Variants in RCAN2 observed in about 807,000 individuals in gnomAD.
The protein encoded by RCAN2 is calcipressin-2.
RCAN2 carries 9 observed loss-of-function variants against 23.6 expected under a neutral mutation model. The ratio of observed to expected loss-of-function variants is 0.38; its 90% CI spans 0.23 to 0.67. RCAN2 has a LOEUF of 0.67. Ranked by LOEUF, RCAN2 falls within the 30% of genes least tolerant of loss-of-function variation. The pLI is 0.51. For synonymous variants in RCAN2, 109 were observed against 115.7 expected (o/e 0.94, Z 0.37); for missense variants, 273 against 302.3 (o/e 0.90, Z 0.72).
Position 46,221,097 on chromosome 6 carries a change from ACTTC to A in RCAN2, c.*2040_*2043del, listed in dbSNP as rs1765461207. The A allele has an allele frequency of 6.6e-6, 1 of 152,430 alleles. No individual in the cohort carries two copies. Among genetic ancestry groups the A allele is most frequent in the African/African-American group, 2.4e-5 (1 of 41,422 alleles). 9.4% of individuals were successfully genotyped at this position (152,430 alleles called of 1,614,324 possible). A position where few individuals can be genotyped will look rare whatever the true frequency, so the allele number is the denominator to read the frequency against. ...CTAAGACTAACTCCAGAGGCCATACACTTCATTGTGTTTCTTTTATGACTACACA... is the reference window on the plus strand; with the variant it reads ...CTAAGACTAACTCCAGAGGCCATACAATTGTGTTTCTTTTATGACTACACA... On this transcript the variant is annotated 3_prime_UTR_variant, in exon 5 of 5. Transcript: ENST00000371374.
At chr6:46,462,929 C>A (rs1459321295) in intron 1 of RCAN2, among the ~76,000 whole-genome samples, 13 of 152,156 alleles carry the variant, frequency 8.5e-5, no homozygotes. Flanking sequence ...GAATTCTGGT[C>A]TAGAAAGCCT....
intron 2 of RCAN2, among the ~76,000 whole-genome samples, chr6:46,409,733 C>T (rs574379155): frequency 3.9e-5 from 6 of 152,090 alleles, no homozygotes; most frequent in South Asian, 2.1e-4. Flanking sequence ...TGTACATAAA[C>T]GTTCATAAAA....
chr6:46,468,404 C>A (rs974278001), intron 1 of RCAN2, among the ~76,000 whole-genome samples: 2 of 152,128 alleles, frequency 1.3e-5, no homozygotes, highest in Non-Finnish European at 2.9e-5. Context: ...TCTTTAATCA[C>A]AATTTTCCAA....
At chr6:46,256,903 A>G in intron 2 of RCAN2, among the ~76,000 whole-genome samples, 1 of 152,194 alleles carries the variant, frequency 6.6e-6, no homozygotes, top group Non-Finnish European at 1.5e-5. Context: ...TTTTGCCTGT[A>G]ATCTTTCTTA....
intron 2 of RCAN2, among the ~76,000 whole-genome samples, chr6:46,279,734 T>C (rs1404259018): frequency 6.6e-6 from 1 of 152,236 alleles, no homozygotes; most frequent in Non-Finnish European, 1.5e-5. Context: ...TGCCACTTAC[T>C]GTAGGAGAGC....
At chr6:46,471,049 G>A (rs1026476122) in intron 1 of RCAN2, among the ~76,000 whole-genome samples, 1 of 152,206 alleles carries the variant, frequency 6.6e-6, no homozygotes, top group East Asian at 1.9e-4. Flanking sequence ...TTATGTAGGG[G>A]TGGTGAGGAA....
chr6:46,391,093 C>T (rs1765919916), intron 2 of RCAN2, among the ~76,000 whole-genome samples: 1 of 152,194 alleles, frequency 6.6e-6, no homozygotes, highest in Non-Finnish European at 1.5e-5. Flanking sequence ...CTCAGCTCCA[C>T]TTTCTTTAAC....
In RCAN2 at chr6:46,455,559, G is replaced by GA. The variant is rs978462817; in HGVS notation, c.225+1192dup. 2.2e-3 allele frequency among the ~76,000 whole-genome samples: 318 copies of GA among 146,112 alleles called. 1 individual carries two copies. Among genetic ancestry groups the GA allele is most frequent in the African/African-American group, 6.8e-3 (270 of 39,996 alleles). Reference sequence around the variant, plus strand: ...ACACAGAGTCATATACTTTAGTTTAGAAAAAAAAAAGCCTCAGCCGGGCGC... The same window carrying GA: ...ACACAGAGTCATATACTTTAGTTTAGAAAAAAAAAAAGCCTCAGCCGGGCGC... On this transcript the variant is annotated intron_variant, in intron 2 of 4. Transcript: ENST00000371374.
chr6:46,252,907 A>G (rs1766782615), intron 2 of RCAN2, among the ~76,000 whole-genome samples: 1 of 152,224 alleles, frequency 6.6e-6, no homozygotes, highest in Non-Finnish European at 1.5e-5. Context: ...TTCTTCATTG[A>G]TATCTCATCA....
intron 2 of RCAN2, among the ~76,000 whole-genome samples, chr6:46,380,607 G>A (rs192428029): frequency 1.2e-4 from 19 of 152,226 alleles, no homozygotes; most frequent in Non-Finnish European, 7.4e-5. Context: ...GCTCTGCAGG[G>A]GATTCTGAAA....
intron 2 of RCAN2, among the ~76,000 whole-genome samples, chr6:46,338,056 G>A (rs977229620): frequency 6.6e-6 from 1 of 152,328 alleles, no homozygotes; most frequent in African/African-American, 2.4e-5. Flanking sequence ...ACCCACCAGT[G>A]TCACCACTGC....
intron 2 of RCAN2, among the ~76,000 whole-genome samples, chr6:46,297,663 C>T (rs917687819): frequency 1.3e-5 from 2 of 152,120 alleles, no homozygotes; most frequent in South Asian, 2.1e-4. Context: ...ACATTTATTA[C>T]TACAGGTCTA....
At chr6:46,378,121 C>T (rs573846123) in intron 2 of RCAN2, among the ~76,000 whole-genome samples, 73 of 152,298 alleles carry the variant, frequency 4.8e-4, no homozygotes, top group African/African-American at 1.7e-3. Context: ...GATGGCCATT[C>T]ATTTGCTAAT....
At chr6:46,365,029 C>T (rs1765128098) in intron 2 of RCAN2, among the ~76,000 whole-genome samples, 1 of 152,134 alleles carries the variant, frequency 6.6e-6, no homozygotes. Context: ...TCCCTGGCTA[C>T]CCTTCCTAAA....
At chr6:46,246,648 A>C in intron 4 of RCAN2, 100 bp downstream of exon 4, 2 of 905,574 alleles carry the variant, frequency 2.2e-6, no homozygotes, top group Non-Finnish European at 1.7e-6. Context: ...TTAGAAATGC[A>C]GATGTTACTG....
intron 2 of RCAN2, among the ~76,000 whole-genome samples, chr6:46,385,599 G>A (rs1765720233): frequency 6.6e-6 from 1 of 152,092 alleles, no homozygotes; most frequent in Non-Finnish European, 1.5e-5. Context: ...GCTCATGCCT[G>A]TAATCCCAGC....
chr6:46,356,799 C>G (rs1764845283), intron 2 of RCAN2, among the ~76,000 whole-genome samples: 1 of 152,164 alleles, frequency 6.6e-6, no homozygotes, highest in Admixed American at 6.5e-5. Context: ...CGGAGGAACA[C>G]AGATATTGCT....
rs116718664 is a variant in RCAN2, at chr6:46,253,866, G to A, written c.226-4970C>T. 8.1e-3 allele frequency among the ~76,000 whole-genome samples: 1,238 copies of A among 152,160 alleles called. 19 individuals are homozygous for A. Among genetic ancestry groups the A allele is most frequent in the African/African-American group, 0.029 (1,184 of 41,498 alleles). On this transcript the variant is annotated intron_variant, in intron 2 of 4. Transcript: ENST00000371374. ...TACTTATGTGTAAAAATTGCCTACC[G>A]AATTCAGTATAGTAATATGCTGTAC...
chr6:46,318,054 A>G (rs1763497196), intron 2 of RCAN2, among the ~76,000 whole-genome samples: 1 of 152,210 alleles, frequency 6.6e-6, no homozygotes, highest in Non-Finnish European at 1.5e-5. Context: ...ATAACATATA[A>G]TATTGATCCA....
Sources: gnomAD v4.1 joint callset for allele counts (sites outside exome capture counted in the v4.1 genomes callset) on GRCh38, gnomAD v4.1.1 for gene constraint, MANE v1.5 for transcripts, NCBI Gene and HGNC (gene_info 2026-07-23, HGNC 2026-07-21) for gene names.